CACNA1C: variants seen among roughly 807,000 people sequenced by gnomAD.
The protein encoded by CACNA1C is voltage-dependent L-type calcium channel subunit alpha-1C.
CACNA1C carries 30 observed loss-of-function variants against 229.0 expected under a neutral mutation model. The ratio of observed to expected loss-of-function variants is 0.13; its 90% CI spans 0.10 to 0.18. CACNA1C has a LOEUF of 0.18. CACNA1C is among the 10% of genes least tolerant of loss of function. The pLI is 1.00. For missense variants in CACNA1C, 1,658 were observed against 2,845.0 expected (o/e 0.58, Z 9.49); for synonymous variants, 1,114 against 1,132.5 (o/e 0.98, Z 0.33).
chr12:2,020,939 T>G (rs543421380), intron 1 of CACNA1C, among the ~76,000 whole-genome samples: 2 of 152,310 alleles, frequency 1.3e-5, no homozygotes, highest in Non-Finnish European at 2.9e-5. Flanking sequence ...CAGTAACTTC[T>G]GCTCAGTGGC....
chr12:2,368,775 T>A (rs1202587188), intron 3 of CACNA1C, among the ~76,000 whole-genome samples: 2 of 152,200 alleles, frequency 1.3e-5, no homozygotes, highest in African/African-American at 4.8e-5. Flanking sequence ...TGGGCATTGT[T>A]TGTTGTTTTG....
chr12:2,651,510 A>C lies in CACNA1C; in HGVS notation c.3946-130A>C, dbSNP rs932090503. On this transcript the variant is annotated intron_variant, in intron 31 of 46. Coordinates refer to ENST00000399655, the MANE Select transcript of CACNA1C (RefSeq NM_000719.7). The surrounding 1 kb of genome is among the most constrained non-coding windows in gnomAD (Gnocchi z 5.4). ...CGGCCGCCCTCCCATCGGAGGGGGA[A>C]GTCTAGTGCAGCAAACCCTGGCCTG... is the stretch of plus-strand genomic sequence containing the variant. 19 of 1,367,592 alleles carry C rather than the reference A, an allele frequency of 1.4e-5. No individual in the cohort carries two copies. The highest frequency in any genetic ancestry group is 2.3e-5 in the East Asian group (1 of 43,552). 84.7% of individuals were successfully genotyped at this position (1,367,592 alleles called of 1,614,324 possible). A position where few individuals can be genotyped will look rare whatever the true frequency, so the allele number is the denominator to read the frequency against.
At chr12:2,105,326 G>C (rs1191651157) in intron 1 of CACNA1C, among the ~76,000 whole-genome samples, 1 of 152,182 alleles carries the variant, frequency 6.6e-6, no homozygotes, top group African/African-American at 2.4e-5. Context: ...CGTCAGTTGG[G>C]TTGGGGAGAG....
chr12:2,232,249 T>G (rs200759831), intron 3 of CACNA1C, among the ~76,000 whole-genome samples: 6,284 of 132,314 alleles, frequency 0.047, 111 homozygotes, highest in African/African-American at 0.057. Context: ...TTTTTTTTTT[T>G]TTTGTTTGTT....
chr12:2,418,568 G>A (rs568875491), intron 3 of CACNA1C, among the ~76,000 whole-genome samples: 1 of 152,284 alleles, frequency 6.6e-6, no homozygotes, highest in East Asian at 1.9e-4. Flanking sequence ...AGGAGGGCAG[G>A]AAGAGGAGGA....
intron 1 of CACNA1C, among the ~76,000 whole-genome samples, chr12:2,081,787 G>A (rs1372394069): frequency 6.6e-6 from 1 of 152,104 alleles, no homozygotes; most frequent in African/African-American, 2.4e-5. Context: ...AATTTAATGT[G>A]TTCTAAGGTC....
intron 3 of CACNA1C, among the ~76,000 whole-genome samples, chr12:2,422,664 C>G (rs184920822): frequency 1.2e-4 from 18 of 152,324 alleles, no homozygotes; most frequent in South Asian, 8.3e-4. Context: ...TGTTTGAGTG[C>G]TAACTCGTGT....
rs1463065878 is a variant in CACNA1C, at chr12:2,152,530, G to T, written c.477+32100G>T. Among the ~76,000 whole-genome samples, 1 of 152,210 alleles carries T rather than the reference G, an allele frequency of 6.6e-6. No individual in the cohort carries two copies. The highest frequency in any genetic ancestry group is 1.5e-5 in the Non-Finnish European group (1 of 68,038). On this transcript the variant is annotated intron_variant, in intron 3 of 46. Transcript: ENST00000399655. This position sits in a 1 kb window ranked among gnomAD's most constrained non-coding sequence, Gnocchi z 4.2. The stretch of plus-strand genomic sequence containing the variant: ...TGCTGGAGCAACCATTCAGAAGGCG[G>T]TGATGGCTGGGGGAGGGCTTCCATG...
chr12:2,613,161 T>C (rs928692688), intron 29 of CACNA1C: 1 of 152,218 alleles, frequency 6.6e-6, no homozygotes, highest in Non-Finnish European at 1.5e-5. Context: ...TCCACAGCCT[T>C]CTTTGAATGA....
chr12:2,150,353 C>G (rs77574474), intron 3 of CACNA1C, among the ~76,000 whole-genome samples: 1 of 152,210 alleles, frequency 6.6e-6, no homozygotes, highest in African/African-American at 2.4e-5. Flanking sequence ...GAGTGAATGT[C>G]ACCTCCATTC....
At chr12:2,001,593 A>G (rs1207698085) in intron 1 of CACNA1C, among the ~76,000 whole-genome samples, 3 of 152,226 alleles carry the variant, frequency 2.0e-5, no homozygotes, top group Non-Finnish European at 4.4e-5. Context: ...GTAGGTCTCA[A>G]CTTATCCTCC....
intron 1 of CACNA1C, among the ~76,000 whole-genome samples, chr12:1,999,723 T>C (rs2906894): frequency 0.76 from 116,048 of 152,132 alleles, 44,672 homozygotes; most frequent in African/African-American, 0.88. Flanking sequence ...GAGACCCTGT[T>C]TCTTATAAAT....
rs2154428004 is a variant in CACNA1C at position 2,275,756 on chromosome 12, A to G, written c.477+155326A>G. 6.6e-6 allele frequency among the ~76,000 whole-genome samples: 1 copy of G among 152,334 alleles called. No individual in the cohort carries two copies. Among genetic ancestry groups the G allele is most frequent in the East Asian group, 1.9e-4 (1 of 5,190 alleles). On this transcript the variant is annotated intron_variant, in intron 3 of 46. Coordinates refer to ENST00000399655, the MANE Select transcript of CACNA1C (RefSeq NM_000719.7). The surrounding 1 kb of genome is among the most constrained non-coding windows in gnomAD (Gnocchi z 4.1). ...AGGGCACGGAAGCATAGGTGGGAGA[A>G]GACAGCCAGCACTGTAGAGTGGGGA...
Position 2,607,027 on chromosome 12 carries a change from A to G in CACNA1C, c.3253A>G (p.Ile1085Val). The change falls in exon 26 of 47, where the codon ATC (isoleucine) becomes GTC (valine). Residue 1085 changes from isoleucine (I) to valine (V), a missense_variant. Transcript: ENST00000399655. ...TYKDGEVDHP[I>V]IQPRSWENSK... is the part of the protein sequence containing the mutation. The stretch of plus-strand genomic sequence containing the variant: ...CAAAGACGGGGAGGTTGACCACCCC[A>G]TCATCCAACCCCGCAGCTGGGAGAA... 6.2e-7 allele frequency: 1 copy of G among 1,613,972 alleles called. No homozygotes were observed. Among genetic ancestry groups the G allele is most frequent in the Non-Finnish European group, 8.5e-7 (1 of 1,179,844 alleles).
rs989017989 is a variant in CACNA1C, at chr12:2,410,303, A to G, written c.478-38673A>G. 6.6e-6 allele frequency among the ~76,000 whole-genome samples: 1 copy of G among 152,062 alleles called. No homozygotes were observed. ...AGCCCCACCACCCATTTTTGGAAAC[A>G]CAACCCTGGCCTCCCATTCACAGCA... is the stretch of plus-strand genomic sequence containing the variant. On this transcript the variant is annotated intron_variant, in intron 3 of 46. Coordinates refer to ENST00000399655, the MANE Select transcript of CACNA1C (RefSeq NM_000719.7). The surrounding 1 kb of genome is among the most constrained non-coding windows in gnomAD (Gnocchi z 5.3).
Position 1,971,689 on chromosome 12 carries a change from C to T in CACNA1C, c.139+488C>T, listed in dbSNP as rs146252613. 5.2e-4 allele frequency among the ~76,000 whole-genome samples: 79 copies of T among 152,306 alleles called. No homozygotes were observed. The highest frequency in any genetic ancestry group is 1.7e-3 in the African/African-American group (72 of 41,568). ...GCCATTAAAGGCAGTGTCATGTCAG[C>T]GTCATTCAAATGTACATTTTCATTT... is the stretch of plus-strand genomic sequence containing the variant. On this transcript the variant is annotated intron_variant, in intron 1 of 46. Coordinates refer to the CACNA1C transcript ENST00000682462. The surrounding 1 kb of genome is among the most constrained non-coding windows in gnomAD (Gnocchi z 4.2).
chr12:2,342,870 A>T (rs1159669477), intron 3 of CACNA1C, among the ~76,000 whole-genome samples: 3 of 152,216 alleles, frequency 2.0e-5, no homozygotes, highest in Admixed American at 6.5e-5. Context: ...GAAACTGAGG[A>T]TGCTTATTTT....
At chr12:2,327,883 G>A (rs928916905) in intron 3 of CACNA1C, among the ~76,000 whole-genome samples, 3 of 152,222 alleles carry the variant, frequency 2.0e-5, no homozygotes, top group African/African-American at 7.2e-5. Flanking sequence ...GGTTGTACCT[G>A]AAAACTGGAC....
chr12:2,245,528 G>C (rs1393965116), intron 3 of CACNA1C, among the ~76,000 whole-genome samples: 1 of 151,992 alleles, frequency 6.6e-6, no homozygotes, highest in Admixed American at 6.6e-5. Context: ...CCCATGCTTG[G>C]GCTCCTTTCC....
Sources: gnomAD v4.1 joint callset for allele counts (sites outside exome capture counted in the v4.1 genomes callset) on GRCh38, gnomAD v4.1.1 for gene constraint, Gnocchi (gnomAD v3.1) non-coding constraint, MANE v1.5 for transcripts, NCBI Gene and HGNC (gene_info 2026-07-23, HGNC 2026-07-21) for gene names.